VPS37C: variants seen among roughly 807,000 people sequenced by gnomAD.
The protein encoded by VPS37C is vacuolar protein sorting-associated protein 37C.
VPS37C carries 9 observed loss-of-function variants against 16.1 expected under a neutral mutation model. The observed-to-expected ratio is 0.56, with a 90% CI of 0.34 to 0.97. The LOEUF (loss-of-function observed/expected upper bound fraction) is 0.97. Ranked by LOEUF, VPS37C falls within the 50% of genes least tolerant of loss-of-function variation. VPS37C has a pLI of 0.02. For missense variants in VPS37C, 479 were observed against 472.7 expected (o/e 1.01, Z -0.12); for synonymous variants, 207 against 206.4 (o/e 1.00, Z -0.02).
chr11:61,148,469 C>T (rs902183732), intron 1 of VPS37C, among the ~76,000 whole-genome samples: 8 of 151,924 alleles, frequency 5.3e-5, no homozygotes, highest in African/African-American at 1.9e-4. Flanking sequence ...AATCATGCTG[C>T]TGAATGAGGA....
chr11:61,153,488 G>C (rs1026385317), intron 1 of VPS37C, among the ~76,000 whole-genome samples: 7 of 152,178 alleles, frequency 4.6e-5, no homozygotes, highest in African/African-American at 1.7e-4. Context: ...AGGCATCCAA[G>C]GAATGCTGAC....
intron 1 of VPS37C, among the ~76,000 whole-genome samples, chr11:61,156,801 C>T (rs1853384313): frequency 6.6e-6 from 1 of 152,168 alleles, no homozygotes; most frequent in African/African-American, 2.4e-5. Context: ...AGTACATTTA[C>T]TTTGTCATAC....
chr11:61,142,954 TAAA>T (rs71043748), intron 1 of VPS37C, among the ~76,000 whole-genome samples: 2 of 92,338 alleles, frequency 2.2e-5, no homozygotes, highest in African/African-American at 4.3e-5. Flanking sequence ...TAAAGTATAA[TAAA>T]AAAAAAAAAA....
intron 1 of VPS37C, among the ~76,000 whole-genome samples, chr11:61,154,299 T>C (rs765527986): frequency 5.3e-5 from 8 of 152,000 alleles, no homozygotes; most frequent in Non-Finnish European, 1.2e-4. Flanking sequence ...GCAAGGACAT[T>C]AAAACAGTTC....
chr11:61,151,137 C>T (rs759295397), intron 1 of VPS37C, among the ~76,000 whole-genome samples: 4 of 152,208 alleles, frequency 2.6e-5, no homozygotes, highest in Non-Finnish European at 4.4e-5. Context: ...TCACTGTGCT[C>T]GGCTGCCTCG....
chr11:61,144,967 G>A (rs1173134919), intron 1 of VPS37C: 1 of 152,258 alleles, frequency 6.6e-6, no homozygotes, highest in East Asian at 1.9e-4. Flanking sequence ...CAAATAGCTG[G>A]AGGCCAGATG....
intron 1 of VPS37C, among the ~76,000 whole-genome samples, chr11:61,154,368 A>G (rs1011610988): frequency 6.6e-6 from 1 of 152,234 alleles, no homozygotes; most frequent in Non-Finnish European, 1.5e-5. Flanking sequence ...TGTTAGAGAC[A>G]GGGAAGATAT....
At chr11:61,158,373 T>C (rs1273150527) in intron 1 of VPS37C, among the ~76,000 whole-genome samples, 1 of 152,214 alleles carries the variant, frequency 6.6e-6, no homozygotes, top group Non-Finnish European at 1.5e-5. Context: ...CAAGCCAACC[T>C]GCCTGAATTG....
At chr11:61,150,474 T>G (rs1454480030) in intron 1 of VPS37C, among the ~76,000 whole-genome samples, 1 of 151,126 alleles carries the variant, frequency 6.6e-6, no homozygotes, top group East Asian at 1.9e-4. Context: ...GCCTAACCAG[T>G]CTGGACAAGA....
At position 61,132,203 on chromosome 11, in the gene VPS37C, G is replaced by A; in HGVS notation, c.685C>T (p.Pro229Ser). The A allele has an allele frequency of 6.7e-7, 1 of 1,502,342 alleles. No individual in the cohort carries two copies. The highest frequency in any genetic ancestry group is 2.3e-5 in the East Asian group (1 of 42,836). The allele number at this position is 1,502,342 out of a possible 1,614,324, so 93.1% of individuals were successfully genotyped here. A position where few individuals can be genotyped will look rare whatever the true frequency, so the allele number is the denominator to read the frequency against. Residue 229 changes from proline to serine, a missense_variant, in exon 5 of 5, where the codon CCA (proline) becomes TCA (serine). Coordinates refer to ENST00000301765, the MANE Select transcript of VPS37C (RefSeq NM_017966.5). ...AHGALPPAPFPVVSQPSFYSG... is the reference protein window; with the variant it reads ...AHGALPPAPFSVVSQPSFYSG... The stretch of plus-strand genomic sequence containing the variant: ...TAGAAGGAGGGCTGGGACACTACTG[G>A]GAAAGGGGCCGGTGGCAGGGCTCCA...
rs1861229846 is a variant in VPS37C at position 61,130,352 on chromosome 11, A to G, written c.*1468T>C. 1 of 157,134 alleles carries G rather than the reference A, an allele frequency of 6.4e-6. No individual in the cohort carries two copies. Among genetic ancestry groups the G allele is most frequent in the Non-Finnish European group, 1.4e-5 (1 of 71,412 alleles). 9.7% of individuals were successfully genotyped at this position (157,134 alleles called of 1,614,324 possible). ...AGCACTCAAACCAGTAGAGTCCATT[A>G]GTGATTTCTCTTTATAAATAACTTA... On this transcript the variant is annotated 3_prime_UTR_variant, in exon 5 of 5. Transcript: ENST00000301765.
At position 61,133,300 on chromosome 11, in the gene VPS37C, T is replaced by TAACA; in HGVS notation, c.299_302dup (p.Leu101PhefsTer21). On this transcript the variant is annotated frameshift_variant, in exon 4 of 5. Transcript: ENST00000301765. LOFTEE classifies it low-confidence loss of function (END_TRUNC). ...TCATGCCTTCCACCTGCAGAAGGTC[T>TAACA]AACAAGGTCCCTGGCTGCAGTGCTG... 1.9e-6 allele frequency: 3 copies of TAACA among 1,614,204 alleles called. No individual in the cohort carries two copies. Among genetic ancestry groups the TAACA allele is most frequent in the Non-Finnish European group, 2.5e-6 (3 of 1,180,032 alleles).
intron 2 of VPS37C, among the ~76,000 whole-genome samples, chr11:61,135,159 G>A (rs1234462952): frequency 6.6e-6 from 1 of 152,254 alleles, no homozygotes; most frequent in African/African-American, 2.4e-5. Flanking sequence ...CTCCACCATG[G>A]TCAGCATGTG....
Position 61,132,223 on chromosome 11 carries a change from G to A in VPS37C, c.665C>T (p.Ala222Val), listed in dbSNP as rs1227706500. The A allele has an allele frequency of 6.6e-7, 1 of 1,509,738 alleles. No homozygotes were observed. The highest frequency in any genetic ancestry group is 8.9e-7 in the Non-Finnish European group (1 of 1,129,182). The allele number at this position is 1,509,738 out of a possible 1,614,324, so 93.5% of individuals were successfully genotyped here. ...SLPVGPTAHG[A>V]LPPAPFPVVS... is the part of the protein sequence containing the mutation. ...TACTGGGAAAGGGGCCGGTGGCAGG[G>A]CTCCATGGGCAGTGGGGCCCACAGG... Residue 222 changes from alanine to valine, a missense_variant, in exon 5 of 5, where the codon GCC (alanine) becomes GTC (valine). Transcript: ENST00000301765.
chr11:61,142,821 G>A (rs1055834401), intron 1 of VPS37C, among the ~76,000 whole-genome samples: 2 of 117,664 alleles, frequency 1.7e-5, no homozygotes, highest in Middle Eastern at 4.0e-3. Flanking sequence ...GGGGAGGGGG[G>A]GAGGGGTAGC....
At chr11:61,138,347 G>A (rs1484122085) in intron 2 of VPS37C, 1 of 183,084 alleles carries the variant, frequency 5.5e-6, no homozygotes, top group African/African-American at 2.3e-5. Context: ...AGACGAGCTA[G>A]ATCTCAGCCC....
intron 1 of VPS37C, among the ~76,000 whole-genome samples, chr11:61,149,513 C>CA (rs1853266096): frequency 6.6e-6 from 1 of 152,154 alleles, no homozygotes; most frequent in Admixed American, 6.5e-5. Context: ...TGGCACCAGG[C>CA]AGTATTAATT....
chr11:61,135,676 C>G (rs1044995745), intron 2 of VPS37C, among the ~76,000 whole-genome samples: 2 of 152,112 alleles, frequency 1.3e-5, no homozygotes, highest in African/African-American at 4.8e-5. Context: ...CCATCCCATC[C>G]TTCCAATAGC....
In VPS37C at chr11:61,132,968, G is replaced by C. The variant is rs1590782960; in HGVS notation, c.348+287C>G. 11 of 553,780 alleles carry C rather than the reference G, an allele frequency of 2.0e-5. No individual in the cohort carries two copies. In the East Asian group the frequency reaches 3.5e-4, roughly 18 times the overall value. The allele number at this position is 553,780 out of a possible 1,614,324, so 34.3% of individuals were successfully genotyped here. A position where few individuals can be genotyped will look rare whatever the true frequency, so the allele number is the denominator to read the frequency against. ...AGCAGGAAGCAGGGAGAGTGGAGTA[G>C]GGAGCTGGCCTCAGCCCCTGGGGGC... On this transcript the variant is annotated intron_variant, in intron 4 of 4. Coordinates refer to ENST00000301765, the MANE Select transcript of VPS37C (RefSeq NM_017966.5).
Sources: allele counts gnomAD v4.1 joint callset (sites outside exome capture counted in the v4.1 genomes callset), GRCh38; gene constraint gnomAD v4.1.1; transcripts MANE v1.5; gene names NCBI Gene and HGNC (gene_info 2026-07-23, HGNC 2026-07-21).